CNOT10: variants seen among roughly 807,000 people sequenced by gnomAD.
CNOT10 encodes the protein CCR4-NOT transcription complex subunit 10.
In CNOT10, 30 loss-of-function variants were observed where a neutral mutation model predicts 94.6. The ratio of observed to expected loss-of-function variants is 0.32; its 90% CI spans 0.24 to 0.43. The LOEUF (loss-of-function observed/expected upper bound fraction) is 0.43, where lower values mean the gene tolerates loss of function less well. Among genes scored for constraint, CNOT10 ranks in the 20% least tolerant of loss-of-function variants. CNOT10 has a pLI of 1.00. For synonymous variants in CNOT10, 289 were observed against 301.6 expected, an observed-to-expected ratio of 0.96 and a Z score of 0.43; for missense variants, 759 against 877.2, an observed-to-expected ratio of 0.87 and a Z score of 1.70.
chr3:32,763,596 GC>G (rs1700541696), intron 15 of CNOT10, among the ~76,000 whole-genome samples: 1 of 151,864 alleles, frequency 6.6e-6, no homozygotes, highest in Non-Finnish European at 1.5e-5. Flanking sequence ...GTTGCAGTGA[GC>G]CAAGATCACG....
chr3:32,744,344 G>A (rs2125598001), intron 13 of CNOT10, among the ~76,000 whole-genome samples: 1 of 152,236 alleles, frequency 6.6e-6, no homozygotes, highest in East Asian at 1.9e-4. Flanking sequence ...TAATACCCAA[G>A]ACACCAATGC....
chr3:32,771,751 A>C (rs1014660297), intron 18 of CNOT10, among the ~76,000 whole-genome samples: 1 of 152,226 alleles, frequency 6.6e-6, no homozygotes, highest in Non-Finnish European at 1.5e-5. Context: ...ATACAGAATC[A>C]TAACTTCAGA....
intron 13 of CNOT10, among the ~76,000 whole-genome samples, chr3:32,757,055 G>A (rs1483660569): frequency 6.8e-6 from 1 of 145,990 alleles, no homozygotes; most frequent in Non-Finnish European, 1.5e-5. Flanking sequence ...GCAGTCAGCC[G>A]AGATTGCACC....
chr3:32,746,991 C>T (rs2084446814), intron 13 of CNOT10, among the ~76,000 whole-genome samples: 1 of 152,058 alleles, frequency 6.6e-6, no homozygotes, highest in African/African-American at 2.4e-5. Context: ...GTGGCAGGCA[C>T]CTGTAATCCC....
intron 13 of CNOT10, 64 bp from the exon 14 acceptor site, chr3:32,759,394 A>C (rs1700350908): frequency 2.6e-6 from 3 of 1,150,272 alleles, no homozygotes; most frequent in Non-Finnish European, 3.9e-6. Context: ...CTTCCTATTT[A>C]GCAAATATAA....
intron 4 of CNOT10, among the ~76,000 whole-genome samples, chr3:32,709,614 C>T (rs1448972866): frequency 6.6e-6 from 1 of 152,146 alleles, no homozygotes; most frequent in Non-Finnish European, 1.5e-5. Context: ...ACTATGGCTC[C>T]AGAGACCCAT....
At chr3:32,718,494 G>A (rs956116946) in intron 7 of CNOT10, among the ~76,000 whole-genome samples, 4 of 139,796 alleles carry the variant, frequency 2.9e-5, no homozygotes, top group Non-Finnish European at 4.5e-5. Flanking sequence ...TGAGGCAGGA[G>A]AATGGTGTGA....
intron 7 of CNOT10, among the ~76,000 whole-genome samples, chr3:32,719,203 C>T (rs1698261066): frequency 1.3e-5 from 2 of 152,120 alleles, no homozygotes; most frequent in African/African-American, 2.4e-5. Flanking sequence ...GAGCCGAGAT[C>T]GCGCCACTGC....
intron 13 of CNOT10, among the ~76,000 whole-genome samples, chr3:32,757,607 T>G (rs1309332628): frequency 6.6e-6 from 1 of 152,246 alleles, no homozygotes; most frequent in Non-Finnish European, 1.5e-5. Flanking sequence ...ATTGCCATTT[T>G]AAAATTAAAA....
At chr3:32,761,726 CT>C (rs200865385) in intron 14 of CNOT10, among the ~76,000 whole-genome samples, 16,131 of 136,280 alleles carry the variant, frequency 0.12, 812 homozygotes, top group Middle Eastern at 0.24. Context: ...CTACTAATTT[CT>C]TTTTTTTTTT....
At chr3:32,760,126 G>GCCA in intron 14 of CNOT10, among the ~76,000 whole-genome samples, 1 of 150,934 alleles carries the variant, frequency 6.6e-6, no homozygotes, top group Non-Finnish European at 1.5e-5. Context: ...AGGTTGCAGT[G>GCCA]AGATCTCTGC....
chr3:32,750,946 C>T (rs1048096992), intron 13 of CNOT10, among the ~76,000 whole-genome samples: 1 of 152,056 alleles, frequency 6.6e-6, no homozygotes, highest in Non-Finnish European at 1.5e-5. Flanking sequence ...CTTTGTTATT[C>T]GTTCTGAGAT....
intron 1 of CNOT10, among the ~76,000 whole-genome samples, chr3:32,686,643 AG>A (rs1443360082): frequency 6.6e-6 from 1 of 152,200 alleles, no homozygotes; most frequent in Admixed American, 6.5e-5. Flanking sequence ...ATAAGAAATG[AG>A]GAAAGGTGGA....
At chr3:32,698,851 T>C (rs1697199692) in intron 1 of CNOT10, among the ~76,000 whole-genome samples, 1 of 152,192 alleles carries the variant, frequency 6.6e-6, no homozygotes, top group Admixed American at 6.5e-5. Context: ...TTTGGCACAA[T>C]CTCAGCTCAC....
intron 13 of CNOT10, among the ~76,000 whole-genome samples, chr3:32,759,136 T>TA (rs1700334889): frequency 6.7e-6 from 1 of 149,044 alleles, no homozygotes; most frequent in African/African-American, 2.6e-5. Flanking sequence ...ATATAGTGTG[T>TA]GTGTGTGTGT....
At chr3:32,769,188 A>G (rs1700790971) in intron 17 of CNOT10, 2 of 152,332 alleles carry the variant, frequency 1.3e-5, no homozygotes. Flanking sequence ...GCAATGAGCA[A>G]CTAAAACTAG....
intron 7 of CNOT10, 84 bp from the exon 8 acceptor site, chr3:32,720,030 A>G (rs1698300468): frequency 1.8e-6 from 1 of 570,108 alleles, no homozygotes; most frequent in Admixed American, 2.9e-5. Context: ...ATGGTTTTGA[A>G]CACGTCAGTA....
intron 4 of CNOT10, among the ~76,000 whole-genome samples, chr3:32,712,007 T>A (rs528187521): frequency 6.6e-6 from 1 of 151,952 alleles, no homozygotes; most frequent in Admixed American, 6.6e-5. Context: ...TCTTCTTTTT[T>A]GAAAGGAAAG....
chr3:32,736,145 G>T (rs912918487), intron 12 of CNOT10, among the ~76,000 whole-genome samples: 2 of 151,988 alleles, frequency 1.3e-5, no homozygotes, highest in African/African-American at 4.8e-5. Flanking sequence ...GAAAGCAGTG[G>T]CACGATCTCA....
Sources: gnomAD v4.1 joint callset for allele counts (sites outside exome capture counted in the v4.1 genomes callset) on GRCh38, gnomAD v4.1.1 for gene constraint, MANE v1.5 for transcripts, NCBI Gene and HGNC (gene_info 2026-07-23, HGNC 2026-07-21) for gene names.